SPAG16: variants seen among roughly 807,000 people sequenced by gnomAD.
SPAG16 encodes sperm-associated antigen 16 protein.
In SPAG16, 86 loss-of-function variants were observed where a neutral mutation model predicts 80.4. That is an observed-to-expected ratio of 1.07 (90% confidence interval 0.90 to 1.28). SPAG16 has a LOEUF of 1.28. Among genes scored for constraint, SPAG16 ranks in the 50% most tolerant of loss-of-function variants. The pLI is 0.00. For synonymous variants in SPAG16, 294 were observed against 265.9 expected, an observed-to-expected ratio of 1.11 and a Z score of -1.03; for missense variants, 870 against 765.3, an observed-to-expected ratio of 1.14 and a Z score of -1.61.
intron 15 of SPAG16, among the ~76,000 whole-genome samples, chr2:214,403,116 C>A (rs1363796272): frequency 1.3e-5 from 2 of 150,888 alleles, no homozygotes; most frequent in Non-Finnish European, 3.0e-5. Context: ...TCATATAGAC[C>A]TCAAATCCGG....
chr2:214,332,411 G>A (rs985216416), intron 15 of SPAG16, among the ~76,000 whole-genome samples: 1 of 152,198 alleles, frequency 6.6e-6, no homozygotes, highest in Non-Finnish European at 1.5e-5. Flanking sequence ...AGCTACTGGG[G>A]TGGCTGATGG....
intron 10 of SPAG16, among the ~76,000 whole-genome samples, chr2:213,733,224 T>TC (rs1462063674): frequency 6.6e-6 from 1 of 151,560 alleles, no homozygotes; most frequent in Non-Finnish European, 1.5e-5. Context: ...GGGGTTGTTT[T>TC]TTTTTTCTTG....
At chr2:213,410,162 A>G (rs1384506973) in intron 9 of SPAG16, among the ~76,000 whole-genome samples, 1 of 152,148 alleles carries the variant, frequency 6.6e-6, no homozygotes, top group African/African-American at 2.4e-5. Context: ...CCCAGGGGAA[A>G]ACCCTACCGA....
At chr2:213,945,265 GTA>G (rs955244438) in intron 12 of SPAG16, among the ~76,000 whole-genome samples, 13 of 143,398 alleles carry the variant, frequency 9.1e-5, no homozygotes, top group Admixed American at 2.9e-4. Flanking sequence ...GTTTATACAA[GTA>G]TATATATATA....
intron 9 of SPAG16, among the ~76,000 whole-genome samples, chr2:213,448,114 T>C (rs1229007755): frequency 1.3e-5 from 2 of 152,218 alleles, no homozygotes; most frequent in Non-Finnish European, 1.5e-5. Flanking sequence ...AGGGAATTTA[T>C]CAAAAATTAG....
At chr2:214,144,912 T>C (rs1174249836) in intron 14 of SPAG16, among the ~76,000 whole-genome samples, 1 of 152,038 alleles carries the variant, frequency 6.6e-6, no homozygotes, top group Admixed American at 6.6e-5. Context: ...TCCTATTTCT[T>C]TTAGAGATGC....
chr2:214,218,783 G>A lies in SPAG16; in HGVS notation c.1720+69517G>A, dbSNP rs116754446. Among the ~76,000 whole-genome samples the A allele has an allele frequency of 1.7e-3, 260 of 152,318 alleles. 1 individual carries two copies. Among genetic ancestry groups the A allele is most frequent in the African/African-American group, 6.1e-3 (252 of 41,578 alleles). On this transcript the variant is annotated intron_variant, in intron 15 of 15. Transcript: ENST00000331683. ...TTGTTGAGGCATGAGTTTGGAACAG[G>A]TGGCAAAGCTAGTGGGTAAATGTGG...
At chr2:213,638,958 T>G (rs2125105844) in intron 10 of SPAG16, among the ~76,000 whole-genome samples, 1 of 152,302 alleles carries the variant, frequency 6.6e-6, no homozygotes, top group African/African-American at 2.4e-5. Context: ...ATTGTGATAT[T>G]TTCCTGTTGC....
At chr2:213,285,851 C>A (rs1228347047) in intron 1 of SPAG16, 1 of 1,277,628 alleles carries the variant, frequency 7.8e-7, no homozygotes, top group Non-Finnish European at 1.0e-6. Flanking sequence ...CAGTGATATT[C>A]CTCTTTAACA....
intron 12 of SPAG16, among the ~76,000 whole-genome samples, chr2:213,938,945 GT>G (rs1288130403): frequency 6.6e-6 from 1 of 151,962 alleles, no homozygotes; most frequent in East Asian, 1.9e-4. Context: ...TCTGACATGA[GT>G]TTATGCAAAA....
chr2:213,794,648 C>T (rs943439028), intron 10 of SPAG16, among the ~76,000 whole-genome samples: 1 of 152,110 alleles, frequency 6.6e-6, no homozygotes, highest in African/African-American at 2.4e-5. Context: ...AGAGAATATA[C>T]TTGAAATCTC....
intron 10 of SPAG16, among the ~76,000 whole-genome samples, chr2:213,701,772 G>A (rs2065434575): frequency 6.6e-6 from 1 of 152,018 alleles, no homozygotes; most frequent in Non-Finnish European, 1.5e-5. Flanking sequence ...GTCTAGCTCA[G>A]GGATTGTAAA....
At chr2:213,874,542 TATGTA>T (rs1374812232) in intron 11 of SPAG16, among the ~76,000 whole-genome samples, 1 of 152,166 alleles carries the variant, frequency 6.6e-6, no homozygotes, top group Non-Finnish European at 1.5e-5. Flanking sequence ...GGCATAATAA[TATGTA>T]ATATACCCTT....
At chr2:214,167,980 T>TTTTTTC (rs1327408232) in intron 15 of SPAG16, among the ~76,000 whole-genome samples, 1 of 146,982 alleles carries the variant, frequency 6.8e-6, no homozygotes, top group Non-Finnish European at 1.5e-5. Context: ...TTTTCTTTTC[T>TTTTTTC]TTTTTCTTTT....
intron 15 of SPAG16, among the ~76,000 whole-genome samples, chr2:214,274,310 G>A (rs1262041642): frequency 6.6e-6 from 1 of 152,084 alleles, no homozygotes; most frequent in African/African-American, 2.4e-5. Flanking sequence ...TGATTGCCCT[G>A]GCCAGAACTT....
intron 10 of SPAG16, among the ~76,000 whole-genome samples, chr2:213,735,929 C>T (rs996781267): frequency 1.2e-4 from 18 of 152,148 alleles, no homozygotes; most frequent in African/African-American, 4.3e-4. Context: ...CGTCATTATA[C>T]AGATGAGGGA....
At chr2:213,503,657 T>C (rs2074843579) in intron 10 of SPAG16, among the ~76,000 whole-genome samples, 1 of 152,192 alleles carries the variant, frequency 6.6e-6, no homozygotes, top group African/African-American at 2.4e-5. Flanking sequence ...TGGAGGAAAT[T>C]TTCCCTTAGC....
chr2:213,769,462 GT>G (rs1427859389), intron 10 of SPAG16, among the ~76,000 whole-genome samples: 1 of 152,138 alleles, frequency 6.6e-6, no homozygotes, highest in East Asian at 1.9e-4. Flanking sequence ...TGGTGACAGC[GT>G]TATCAGATTA....
intron 9 of SPAG16, among the ~76,000 whole-genome samples, chr2:213,399,022 G>T (rs2068186540): frequency 1.3e-5 from 2 of 152,074 alleles, no homozygotes; most frequent in Admixed American, 6.6e-5. Flanking sequence ...TCTATAATTT[G>T]TCTATAGGCT....
Sources: allele counts gnomAD v4.1 joint callset (sites outside exome capture counted in the v4.1 genomes callset), GRCh38; gene constraint gnomAD v4.1.1; transcripts MANE v1.5; gene names NCBI Gene and HGNC (gene_info 2026-07-23, HGNC 2026-07-21).